The following SEMA6A variants were observed in gnomAD, a reference collection of about 807,000 sequenced individuals.
The protein encoded by SEMA6A is semaphorin 6A, also known as semaphorin-6A.
SEMA6A carries 25 observed loss-of-function variants against 96.8 expected under a neutral mutation model. The observed-to-expected ratio is 0.26, with a 90% CI of 0.19 to 0.36. The LOEUF is 0.36. Among genes scored for constraint, SEMA6A ranks in the 10% least tolerant of loss-of-function variants. SEMA6A has a pLI of 1.00. For missense variants in SEMA6A, 1,363 were observed against 1,323.1 expected, an observed-to-expected ratio of 1.03 and a Z score of -0.47; for synonymous variants, 612 against 518.0, an observed-to-expected ratio of 1.18 and a Z score of -2.46.
Position 116,555,707 on chromosome 5 carries a change from GTGTGCACC to G in SEMA6A, c.-39+18470_-39+18477del, listed in dbSNP as rs755584820. ...AAATTGTAAAAATTATCCAGGCTCG[GTGTGCACC>G]TGTAATCCCAGCTACTCAGGAGGAT... On this transcript the variant is annotated intron_variant, in intron 1 of 18. Coordinates refer to ENST00000343348, the MANE Select transcript of SEMA6A (RefSeq NM_020796.5). Among the ~76,000 whole-genome samples the G allele has an allele frequency of 1.0e-3, 157 of 152,070 alleles. 3 individuals carry two copies. Among genetic ancestry groups the G allele is most frequent in the Non-Finnish European group, 8.2e-4 (56 of 68,006 alleles).
chr5:116,484,635 AT>A (rs1184090298), intron 10 of SEMA6A, among the ~76,000 whole-genome samples: 105 of 113,384 alleles, frequency 9.3e-4, no homozygotes, highest in African/African-American at 3.1e-3. Flanking sequence ...GAAAAAAAAA[AT>A]AATAATAATA....
intron 11 of SEMA6A, among the ~76,000 whole-genome samples, chr5:116,480,594 A>T (rs1756706439): frequency 6.6e-6 from 1 of 152,084 alleles, no homozygotes; most frequent in Non-Finnish European, 1.5e-5. Flanking sequence ...TGGTTTGCAC[A>T]TATCTCGGGG....
intron 13 of SEMA6A, 37 bp from the exon 14 acceptor site, chr5:116,478,191 T>G (rs1340760289): frequency 6.2e-7 from 1 of 1,603,968 alleles, no homozygotes. Flanking sequence ...ATTAATAGAC[T>G]CTTCTCTTTT....
At chr5:116,508,056 A>T (rs1758231130) in intron 1 of SEMA6A, 1 of 152,110 alleles carries the variant, frequency 6.6e-6, no homozygotes, top group Non-Finnish European at 1.5e-5. Context: ...TTTTAAGCCC[A>T]AATTGGATCA....
chr5:116,446,818 G>A lies in SEMA6A; in HGVS notation c.2888C>T (p.Pro963Leu). 1.2e-6 allele frequency: 2 copies of A among 1,613,752 alleles called. No individual in the cohort carries two copies. Among genetic ancestry groups the A allele is most frequent in the African/African-American group, 1.3e-5 (1 of 75,026 alleles). The change falls in exon 19 of 19, where the codon CCG (proline) becomes CTG (leucine). Residue 963 changes from proline (P) to leucine (L), a missense_variant. Physicochemically the swap from Pro to Leu is moderately conservative, Grantham distance 98 (BLOSUM62 -3). Coordinates refer to ENST00000343348, the MANE Select transcript of SEMA6A (RefSeq NM_020796.5). ...CACCTGGATGGAGTCCACCCTCTGC[G>A]GGGCGGGCGGCGGGTTGTCTCCCCT... is the stretch of plus-strand genomic sequence containing the variant. Reference protein sequence around the residue: ...FGRGDNPPPAPQRVDSIQVHS... With the variant: ...FGRGDNPPPALQRVDSIQVHS...
intron 8 of SEMA6A, 69 bp from the exon 9 acceptor site, chr5:116,488,265 G>A: frequency 2.0e-6 from 2 of 1,013,656 alleles, no homozygotes; most frequent in Non-Finnish European, 3.0e-6. Context: ...ATCAAGTGTA[G>A]CCAAAGACAT....
At chr5:116,449,222 G>GT in intron 18 of SEMA6A, 1 of 671,624 alleles carries the variant, frequency 1.5e-6, no homozygotes, top group Non-Finnish European at 2.7e-6. Flanking sequence ...CCTCTGGAGA[G>GT]TGAAAGAACA....
chr5:116,482,996 C>G (rs1028967208), intron 10 of SEMA6A, among the ~76,000 whole-genome samples: 1 of 152,166 alleles, frequency 6.6e-6, no homozygotes, highest in Non-Finnish European at 1.5e-5. Flanking sequence ...TCCCATTGTC[C>G]ACATATTGCT....
At chr5:116,558,270 T>C (rs1369343965) in intron 1 of SEMA6A, among the ~76,000 whole-genome samples, 3 of 152,140 alleles carry the variant, frequency 2.0e-5, no homozygotes, top group Admixed American at 2.0e-4. Context: ...GAAAGATAAA[T>C]ATAGAATACC....
chr5:116,507,328 A>G (rs963629929), intron 1 of SEMA6A, among the ~76,000 whole-genome samples: 6 of 152,192 alleles, frequency 3.9e-5, no homozygotes, highest in African/African-American at 1.4e-4. Context: ...TTTCTACTCA[A>G]TTTTGGGCCC....
intron 3 of SEMA6A, among the ~76,000 whole-genome samples, chr5:116,498,248 A>T (rs960412511): frequency 6.6e-6 from 1 of 152,286 alleles, no homozygotes; most frequent in Non-Finnish European, 1.5e-5. Context: ...TTGAAATAAC[A>T]TTGACTTTCT....
At chr5:116,509,732 A>C (rs1320246164) in intron 1 of SEMA6A, among the ~76,000 whole-genome samples, 1 of 151,786 alleles carries the variant, frequency 6.6e-6, no homozygotes, top group Admixed American at 6.6e-5. Context: ...CGGCAGGGGG[A>C]ATAAGGGGAC....
chr5:116,447,244 G>A lies in SEMA6A; in HGVS notation c.2462C>T (p.Thr821Met), dbSNP rs1754279853. 4 of 1,613,998 alleles carry A rather than the reference G, an allele frequency of 2.5e-6. No homozygotes were observed. The highest frequency in any genetic ancestry group is 2.2e-5 in the East Asian group (1 of 44,886). ...HIPSVVVLPI[T>M]QQGYQHEYVD... is the part of the protein sequence containing the mutation. ...GTACTCATGCTGGTAGCCCTGCTGC[G>A]TGATGGGCAGGACCACCACGCTGGG... Residue 821 changes from threonine to methionine, a missense_variant, in exon 19 of 19, where the codon ACG becomes ATG. Physicochemically the swap from Thr to Met is moderately conservative, Grantham distance 81. Transcript: ENST00000343348.
chr5:116,449,530 G>A, intron 18 of SEMA6A: 1 of 542,828 alleles, frequency 1.8e-6, no homozygotes, highest in Non-Finnish European at 3.3e-6. Context: ...TTCTCATGGG[G>A]GTTTTTCTGC....
At chr5:116,529,567 A>T (rs1759372706) in intron 1 of SEMA6A, among the ~76,000 whole-genome samples, 1 of 152,170 alleles carries the variant, frequency 6.6e-6, no homozygotes, top group Non-Finnish European at 1.5e-5. Context: ...GGAGGGAAAA[A>T]AGAAGACCAC....
chr5:116,502,518 G>T, intron 2 of SEMA6A, 191 bp from the exon 3 acceptor site: 1 of 523,296 alleles, frequency 1.9e-6, no homozygotes. Context: ...GGTTCATCAA[G>T]TTACACTTTC....
At chr5:116,502,430 A>C in intron 2 of SEMA6A, 103 bp from the exon 3 acceptor site, 1 of 865,712 alleles carries the variant, frequency 1.2e-6, no homozygotes, top group South Asian at 1.5e-5. Flanking sequence ...ACCCGTGTTT[A>C]AGTCAGACCA....
chr5:116,462,982 A>T (rs1755510825), intron 18 of SEMA6A, among the ~76,000 whole-genome samples: 1 of 152,146 alleles, frequency 6.6e-6, no homozygotes, highest in Non-Finnish European at 1.5e-5. Flanking sequence ...ACTTGATATC[A>T]TTATCACAAA....
intron 1 of SEMA6A, among the ~76,000 whole-genome samples, chr5:116,533,075 C>A (rs1000908237): frequency 6.6e-6 from 1 of 152,202 alleles, no homozygotes; most frequent in African/African-American, 2.4e-5. Context: ...TCCTATCACA[C>A]ATCTATTTGG....
Sources: gnomAD v4.1 joint callset for allele counts (sites outside exome capture counted in the v4.1 genomes callset) on GRCh38, gnomAD v4.1.1 for gene constraint, MANE v1.5 for transcripts, NCBI Gene and HGNC (gene_info 2026-07-23, HGNC 2026-07-21) for gene names.